CTNNA3: variants seen among roughly 807,000 people sequenced by gnomAD.
CTNNA3 encodes catenin alpha-3.
In CTNNA3, 76 loss-of-function variants were observed where a neutral mutation model predicts 95.7. The ratio of observed to expected loss-of-function variants is 0.79; its 90% CI spans 0.66 to 0.96. The LOEUF (loss-of-function observed/expected upper bound fraction) is 0.96, where lower values mean the gene tolerates loss of function less well. CTNNA3 is among the 40% of genes least tolerant of loss of function. The pLI is 0.00. For synonymous variants in CTNNA3, 431 were observed against 374.4 expected, an observed-to-expected ratio of 1.15 and a Z score of -1.74; for missense variants, 1,191 against 1,089.8, an observed-to-expected ratio of 1.09 and a Z score of -1.31.
intron 5 of CTNNA3, among the ~76,000 whole-genome samples, chr10:67,354,583 A>G (rs531297674): frequency 1.5e-3 from 222 of 152,182 alleles, no homozygotes; most frequent in Non-Finnish European, 2.4e-3. Flanking sequence ...CCCTTCAGCA[A>G]TAAACAATAG....
At position 67,396,332 on chromosome 10, in the gene CTNNA3, G is replaced by A. The variant is rs80141875; in HGVS notation, c.579+125510C>T. Among the ~76,000 whole-genome samples the A allele has an allele frequency of 5.9e-5, 9 of 152,248 alleles. No individual in the cohort carries two copies. The East Asian group carries it at 1.7e-3, about 29-fold the overall frequency. On this transcript the variant is annotated intron_variant, in intron 5 of 17. Transcript: ENST00000433211. ...ATAAAATATTAAATAAGATGCTTCT[G>A]ACATTTGACTAAATTCAATAGATAT...
At chr10:66,885,202 T>G (rs1159189963) in intron 7 of CTNNA3, among the ~76,000 whole-genome samples, 2 of 152,172 alleles carry the variant, frequency 1.3e-5, no homozygotes, top group Admixed American at 6.5e-5. Flanking sequence ...AGCTTGTTTC[T>G]GTAATAGTTG....
chr10:66,744,615 G>C lies in CTNNA3; in HGVS notation c.1281+21649C>G, dbSNP rs184043405. On this transcript the variant is annotated intron_variant, in intron 9 of 17. Coordinates refer to ENST00000433211, the MANE Select transcript of CTNNA3 (RefSeq NM_013266.4). ...TTAGTAGAGAAAAGTTGTTTGCCTT[G>C]CATTTATATTTTAAATATTTGACTT... is the stretch of plus-strand genomic sequence containing the variant. 3.8e-3 allele frequency among the ~76,000 whole-genome samples: 574 copies of C among 152,074 alleles called. 2 individuals are homozygous for C. Among genetic ancestry groups the C allele is most frequent in the African/African-American group, 0.013 (543 of 41,502 alleles).
chr10:66,207,056 T>C (rs760515341), intron 13 of CTNNA3, among the ~76,000 whole-genome samples: 7 of 151,870 alleles, frequency 4.6e-5, no homozygotes, highest in Non-Finnish European at 7.4e-5. Flanking sequence ...TGGGTATGAT[T>C]CAGTGAGTGC....
intron 10 of CTNNA3, among the ~76,000 whole-genome samples, chr10:66,535,710 G>A (rs1841629130): frequency 6.6e-6 from 1 of 152,146 alleles, no homozygotes; most frequent in African/African-American, 2.4e-5. Context: ...CAACCCTGTG[G>A]TGAGGGATGG....
chr10:67,091,717 T>C lies in CTNNA3; in HGVS notation c.1047+88600A>G, dbSNP rs868605365. Among the ~76,000 whole-genome samples, 6 of 152,096 alleles carry C rather than the reference T, an allele frequency of 3.9e-5. No homozygotes were observed. In the Middle Eastern group the frequency reaches 0.017, roughly 434 times the overall value. ...AGATGAGAGATGTGTGTGCCTGTCA[T>C]TGATGTCAAGAAAGTAACTGGCAAA... On this transcript the variant is annotated intron_variant, in intron 7 of 17. Coordinates refer to ENST00000433211, the MANE Select transcript of CTNNA3 (RefSeq NM_013266.4).
intron 7 of CTNNA3, among the ~76,000 whole-genome samples, chr10:67,073,795 A>G (rs1045251622): frequency 3.3e-5 from 5 of 152,224 alleles, no homozygotes; most frequent in African/African-American, 4.8e-5. Flanking sequence ...AATGCTAAGC[A>G]TAATGAAAAG....
At chr10:66,088,234 T>C (rs1296646353) in intron 14 of CTNNA3, among the ~76,000 whole-genome samples, 1 of 151,998 alleles carries the variant, frequency 6.6e-6, no homozygotes, top group Non-Finnish European at 1.5e-5. Context: ...TTGAAAGCAA[T>C]ATTTTAAGAC....
chr10:66,849,128 A>C (rs1843386281), intron 7 of CTNNA3, among the ~76,000 whole-genome samples: 1 of 152,184 alleles, frequency 6.6e-6, no homozygotes, highest in Non-Finnish European at 1.5e-5. Context: ...AGAAGTCAAA[A>C]AGCAGACGCA....
At chr10:66,881,857 A>T (rs1844863894) in intron 7 of CTNNA3, among the ~76,000 whole-genome samples, 1 of 152,176 alleles carries the variant, frequency 6.6e-6, no homozygotes, top group Admixed American at 6.6e-5. Context: ...TTTAACTAAT[A>T]GAGCTAATTC....
chr10:67,298,759 T>C (rs1322003360), intron 5 of CTNNA3, among the ~76,000 whole-genome samples: 3 of 152,218 alleles, frequency 2.0e-5, no homozygotes, highest in Non-Finnish European at 4.4e-5. Flanking sequence ...GCTGTGCTAG[T>C]TAGTTCCCAT....
intron 11 of CTNNA3, among the ~76,000 whole-genome samples, chr10:66,467,306 A>G (rs1465391019): frequency 6.6e-6 from 1 of 152,126 alleles, no homozygotes; most frequent in Non-Finnish European, 1.5e-5. Flanking sequence ...TGAAGAATTA[A>G]TGAGTGAATT....
intron 5 of CTNNA3, among the ~76,000 whole-genome samples, chr10:67,485,447 C>T (rs1848407902): frequency 6.6e-6 from 1 of 152,088 alleles, no homozygotes; most frequent in Non-Finnish European, 1.5e-5. Context: ...TAGCAGCTTG[C>T]AATATAACCA....
At chr10:66,878,364 T>C (rs533095700) in intron 7 of CTNNA3, among the ~76,000 whole-genome samples, 5 of 152,204 alleles carry the variant, frequency 3.3e-5, no homozygotes, top group African/African-American at 9.6e-5. Context: ...CATGAAAACA[T>C]ATGAAACAGA....
intron 10 of CTNNA3, among the ~76,000 whole-genome samples, chr10:66,620,048 A>C (rs1346299329): frequency 6.6e-6 from 1 of 152,128 alleles, no homozygotes; most frequent in Non-Finnish European, 1.5e-5. Flanking sequence ...GTTAGACATA[A>C]AAATATATTT....
chr10:66,051,417 T>A (rs181273635), intron 15 of CTNNA3, among the ~76,000 whole-genome samples: 19 of 152,342 alleles, frequency 1.2e-4, no homozygotes, highest in Admixed American at 8.5e-4. Flanking sequence ...CCTTTTGTTT[T>A]TCCTTCAACC....
intron 10 of CTNNA3, among the ~76,000 whole-genome samples, chr10:66,606,153 C>A (rs953782085): frequency 7.9e-5 from 12 of 151,982 alleles, no homozygotes; most frequent in South Asian, 2.1e-4. Flanking sequence ...AGACTTTAAA[C>A]CAAAGATCAA....
At chr10:67,186,492 T>C (rs1285092676) in intron 6 of CTNNA3, among the ~76,000 whole-genome samples, 3 of 152,214 alleles carry the variant, frequency 2.0e-5, no homozygotes, top group Non-Finnish European at 4.4e-5. Context: ...GCAGGTCTCT[T>C]GATTTTGCCT....
Position 66,269,998 on chromosome 10 carries a change from C to T in CTNNA3, c.1884+10472G>A, listed in dbSNP as rs1044335271. Reference sequence around the variant, plus strand: ...ATGCTTAGTACACATCCTTGGAACTCTTAAAACCATCTTAAATAAGAGATC... The same window carrying T: ...ATGCTTAGTACACATCCTTGGAACTTTTAAAACCATCTTAAATAAGAGATC... On this transcript the variant is annotated intron_variant, in intron 13 of 17. Transcript: ENST00000433211. Among the ~76,000 whole-genome samples, 5 of 152,270 alleles carry T rather than the reference C, an allele frequency of 3.3e-5. No individual in the cohort carries two copies. The East Asian group carries it at 9.6e-4, about 29-fold the overall frequency.
Sources: allele counts gnomAD v4.1 joint callset (sites outside exome capture counted in the v4.1 genomes callset), GRCh38; gene constraint gnomAD v4.1.1; transcripts MANE v1.5; gene names NCBI Gene and HGNC (gene_info 2026-07-23, HGNC 2026-07-21).